TRPC4AP: variants seen among roughly 807,000 people sequenced by gnomAD.
TRPC4AP encodes the protein short transient receptor potential channel 4-associated protein.
Under a neutral mutation model 99.0 loss-of-function variants are expected in TRPC4AP, and 45 were observed. That is an observed-to-expected ratio of 0.45 (90% CI 0.36 to 0.58). TRPC4AP has a LOEUF of 0.58. TRPC4AP is among the 20% of genes least tolerant of loss of function. The pLI is 0.00. For synonymous variants in TRPC4AP, 408 were observed against 385.8 expected (o/e 1.06, Z -0.67); for missense variants, 879 against 985.3 (o/e 0.89, Z 1.44).
intron 6 of TRPC4AP, among the ~76,000 whole-genome samples, chr20:35,045,435 A>G (rs1031898104): frequency 9.2e-5 from 14 of 152,280 alleles, no homozygotes; most frequent in African/African-American, 3.4e-4. Context: ...CAGTAGTGTC[A>G]TCATAGCTTA....
At chr20:35,018,413 T>A (rs1426383066) in intron 9 of TRPC4AP, among the ~76,000 whole-genome samples, 1 of 151,836 alleles carries the variant, frequency 6.6e-6, no homozygotes, top group African/African-American at 2.4e-5. Flanking sequence ...CTGGCCAACA[T>A]GATGAAACCC....
At chr20:35,038,688 T>TA (rs1342787117) in intron 7 of TRPC4AP, among the ~76,000 whole-genome samples, 1 of 152,232 alleles carries the variant, frequency 6.6e-6, no homozygotes, top group African/African-American at 2.4e-5. Context: ...AAGAAACTGG[T>TA]AAAAAGTTAC....
chr20:35,089,772 G>A lies in TRPC4AP; in HGVS notation c.168+2842C>T, dbSNP rs113897208. Reference sequence around the variant, plus strand: ...GCTGAGGCAGAATTGCTTGAATCCGGGAGACGGAGGATGCAGTGAACCGAG... The same window carrying A: ...GCTGAGGCAGAATTGCTTGAATCCGAGAGACGGAGGATGCAGTGAACCGAG... On this transcript the variant is annotated intron_variant, in intron 1 of 18. Transcript: ENST00000252015. 2.6e-4 allele frequency among the ~76,000 whole-genome samples: 39 copies of A among 152,190 alleles called. 1 individual carries two copies. Among genetic ancestry groups the A allele is most frequent in the South Asian group, 2.5e-3 (12 of 4,824 alleles).
At chr20:35,064,700 C>T (rs145174804) in intron 3 of TRPC4AP, among the ~76,000 whole-genome samples, 273 of 152,282 alleles carry the variant, frequency 1.8e-3, no homozygotes, top group African/African-American at 6.3e-3. Flanking sequence ...CATATGCCTG[C>T]TTTGCTTTGT....
In TRPC4AP at chr20:35,078,193, G is replaced by A. The variant is rs2084534721; in HGVS notation, c.169-19C>T. The A allele has an allele frequency of 6.2e-7, 1 of 1,610,994 alleles. No homozygotes were observed. Among genetic ancestry groups the A allele is most frequent in the African/African-American group, 1.3e-5 (1 of 74,860 alleles). ...CAGTGAACTGTGAGTCAAAAAAAGA[G>A]AGAACATATTATTGTATTATTGATG... On this transcript the variant is annotated intron_variant, in intron 1 of 18. Coordinates refer to ENST00000252015, the MANE Select transcript of TRPC4AP (RefSeq NM_015638.3).
At chr20:35,063,227 T>C (rs1171890523) in intron 3 of TRPC4AP, among the ~76,000 whole-genome samples, 1 of 152,190 alleles carries the variant, frequency 6.6e-6, no homozygotes, top group African/African-American at 2.4e-5. Context: ...TCTGCCATGA[T>C]TGTGAGTTTC....
chr20:35,051,886 T>C (rs2083708226), intron 5 of TRPC4AP, among the ~76,000 whole-genome samples: 1 of 152,162 alleles, frequency 6.6e-6, no homozygotes, highest in Non-Finnish European at 1.5e-5. Flanking sequence ...GTGCTACTCC[T>C]TTTACAGACT....
At chr20:35,061,791 G>C (rs1353543898) in intron 3 of TRPC4AP, among the ~76,000 whole-genome samples, 1 of 152,084 alleles carries the variant, frequency 6.6e-6, no homozygotes, top group Non-Finnish European at 1.5e-5. Flanking sequence ...TGTGACCTTG[G>C]ATTAGGAAAT....
At chr20:35,043,642 T>C (rs547919641) in intron 7 of TRPC4AP, among the ~76,000 whole-genome samples, 1 of 152,328 alleles carries the variant, frequency 6.6e-6, no homozygotes, top group African/African-American at 2.4e-5. Context: ...ATATATACTA[T>C]GTTTTTTCTT....
At chr20:35,077,297 G>A (rs186570044) in intron 2 of TRPC4AP, among the ~76,000 whole-genome samples, 25 of 152,204 alleles carry the variant, frequency 1.6e-4, no homozygotes, top group South Asian at 4.2e-4. Flanking sequence ...AGATGAACCC[G>A]GTACCTCAGT....
chr20:35,024,839 A>AC (rs2082985056), intron 8 of TRPC4AP, among the ~76,000 whole-genome samples: 1 of 124,158 alleles, frequency 8.1e-6, no homozygotes, highest in African/African-American at 2.8e-5. Flanking sequence ...AAAAAAAAAA[A>AC]AAAAAAAAAA....
At chr20:35,084,211 A>G (rs1338895838) in intron 1 of TRPC4AP, among the ~76,000 whole-genome samples, 2 of 151,576 alleles carry the variant, frequency 1.3e-5, no homozygotes, top group African/African-American at 4.9e-5. Flanking sequence ...CATAGGTTGC[A>G]GGGAGCCGAG....
rs528259937 is a variant in TRPC4AP, at chr20:35,048,796, G to A, written c.657+1070C>T. 1.8e-4 allele frequency among the ~76,000 whole-genome samples: 28 copies of A among 152,284 alleles called. No homozygotes were observed. The South Asian group carries it at 5.8e-3, about 32-fold the overall frequency. On this transcript the variant is annotated intron_variant, in intron 6 of 18. Coordinates refer to ENST00000252015, the MANE Select transcript of TRPC4AP (RefSeq NM_015638.3). ...CTAAGGAGTCTGGAGTTTCCACTCT[G>A]GAGGTCCCCTTTCACACACTGGCTG...
chr20:35,004,521 C>T lies in TRPC4AP; in HGVS notation c.1986G>A (p.Val662=). Residue 662 remains valine, a synonymous_variant, in exon 17 of 19, where the codon GTG becomes GTA. Coordinates refer to ENST00000252015, the MANE Select transcript of TRPC4AP (RefSeq NM_015638.3). ...ECRLLAYISQ[V]PTQMSFLFRL... is the part of the protein sequence containing the mutation. ...GGAAGAGGAAGGACATCTGCGTGGG[C>T]ACCTGGGATATGTAGGCGAGCAGGC... 1 of 1,614,148 alleles carries T rather than the reference C, an allele frequency of 6.2e-7. No homozygotes were observed. Among genetic ancestry groups the T allele is most frequent in the Non-Finnish European group, 8.5e-7 (1 of 1,180,004 alleles).
chr20:35,053,670 A>C (rs371785914), intron 5 of TRPC4AP, among the ~76,000 whole-genome samples: 14 of 152,266 alleles, frequency 9.2e-5, no homozygotes, highest in African/African-American at 2.6e-4. Context: ...AGAAAAACAA[A>C]ACACACACAC....
At position 35,044,512 on chromosome 20, in the gene TRPC4AP, G is replaced by A. The variant is rs1450420763; in HGVS notation, c.858C>T (p.Ile286=). The change falls in exon 7 of 19, where the codon ATC becomes ATT. Residue 286 remains isoleucine, a synonymous_variant. Transcript: ENST00000252015. ...SLSLGPSAAE[I]NQAALLSIPG... ...AGAACTTGGAGACTTTACCTTGATT[G>A]ATTTCAGCTGCAGAAGGCCCCAAAC... 1.9e-6 allele frequency: 3 copies of A among 1,613,476 alleles called. No individual in the cohort carries two copies. In the African/African-American group the frequency reaches 4.0e-5, roughly 22 times the overall value.
At chr20:35,047,105 T>C (rs1312846433) in intron 6 of TRPC4AP, among the ~76,000 whole-genome samples, 1 of 152,190 alleles carries the variant, frequency 6.6e-6, no homozygotes, top group African/African-American at 2.4e-5. Flanking sequence ...TCAAGTGATC[T>C]GCCCACCTCG....
chr20:35,033,298 T>A (rs2147331993), intron 8 of TRPC4AP, among the ~76,000 whole-genome samples: 1 of 152,356 alleles, frequency 6.6e-6, no homozygotes, highest in African/African-American at 2.4e-5. Context: ...GTGACTTGGT[T>A]AGACTATTTT....
intron 3 of TRPC4AP, among the ~76,000 whole-genome samples, chr20:35,060,585 C>CAAAAAAAAAAAAAAAAAAA (rs35143678): frequency 2.8e-5 from 2 of 70,386 alleles, no homozygotes; most frequent in East Asian, 4.3e-4. Context: ...ACCTTGTCTC[C>CAAAAAAAAAAAAAAAAAAA]AAAAAAAAAA....
Sources: gnomAD v4.1 joint callset for allele counts (sites outside exome capture counted in the v4.1 genomes callset) on GRCh38, gnomAD v4.1.1 for gene constraint, MANE v1.5 for transcripts, NCBI Gene and HGNC (gene_info 2026-07-23, HGNC 2026-07-21) for gene names.